DAB1: variants seen among roughly 807,000 people sequenced by gnomAD.
DAB1 encodes DAB adaptor protein 1, also known as disabled homolog 1.
Under a neutral mutation model 64.6 loss-of-function variants are expected in DAB1, and 15 were observed. The ratio of observed to expected loss-of-function variants is 0.23; its 90% CI spans 0.16 to 0.36. DAB1 has a LOEUF of 0.36. Ranked by LOEUF, DAB1 falls within the 10% of genes least tolerant of loss-of-function variation. The pLI is 1.00. For synonymous variants in DAB1, 235 were observed against 251.9 expected (o/e 0.93, Z 0.64); for missense variants, 596 against 706.7 (o/e 0.84, Z 1.78).
intron 2 of DAB1, among the ~76,000 whole-genome samples, chr1:58,511,718 T>C (rs890107021): frequency 5.9e-5 from 9 of 152,146 alleles, no homozygotes; most frequent in Non-Finnish European, 1.2e-4. Flanking sequence ...AATATTCACA[T>C]GCAAAAGAAT....
chr1:57,046,271 A>T (rs1319139277), intron 9 of DAB1, among the ~76,000 whole-genome samples: 1 of 152,228 alleles, frequency 6.6e-6, no homozygotes, highest in Non-Finnish European at 1.5e-5. Context: ...CCAAGCACTA[A>T]GCACACTTGC....
intron 3 of DAB1, among the ~76,000 whole-genome samples, chr1:58,410,209 T>C (rs1644654823): frequency 6.6e-6 from 1 of 152,222 alleles, no homozygotes; most frequent in South Asian, 2.1e-4. Flanking sequence ...AAAGATGCCA[T>C]GCGGCTTTAT....
chr1:57,294,774 T>C (rs1475997141), intron 1 of DAB1, among the ~76,000 whole-genome samples: 2 of 152,096 alleles, frequency 1.3e-5, no homozygotes, highest in East Asian at 1.9e-4. Context: ...AGCTAGTAAA[T>C]AGCACAGCAC....
chr1:58,116,664 A>G (rs1379106437), intron 5 of DAB1, among the ~76,000 whole-genome samples: 2 of 152,180 alleles, frequency 1.3e-5, no homozygotes, highest in African/African-American at 4.8e-5. Flanking sequence ...TGCTCTCTCT[A>G]GATTTTCCAT....
At chr1:57,215,509 A>G (rs1292298790) in intron 2 of DAB1, among the ~76,000 whole-genome samples, 1 of 152,180 alleles carries the variant, frequency 6.6e-6, no homozygotes, top group African/African-American at 2.4e-5. Flanking sequence ...CTGAGCACAC[A>G]GTCTTTGAGT....
At chr1:57,283,161 T>C (rs1407819416) in intron 2 of DAB1, among the ~76,000 whole-genome samples, 1 of 152,246 alleles carries the variant, frequency 6.6e-6, no homozygotes, top group African/African-American at 2.4e-5. Context: ...TTAGGCTTAT[T>C]AGGGAAAATT....
At position 57,984,244 on chromosome 1, in the gene DAB1, GAAAGAAAGAAAGAAAGAAAA is replaced by G. The variant is rs1409127282; in HGVS notation, n.388-100102_388-100083del. On this transcript the variant is annotated intron_variant and non_coding_transcript_variant, in intron 5 of 20. Coordinates refer to the DAB1 transcript ENST00000485760. ...AGAAAGAAAGAAAGAAAGAAAGAAAGAAAGAAAGAAAGAAAGAAAAAAAATTAAACAGCCAAACCCATTGC... is the reference window on the plus strand; with the variant it reads ...AGAAAGAAAGAAAGAAAGAAAGAAAGAAAATTAAACAGCCAAACCCATTGC... Among the ~76,000 whole-genome samples, 164 of 142,250 alleles carry G rather than the reference GAAAGAAAGAAAGAAAGAAAA, an allele frequency of 1.2e-3. 1 individual carries two copies. The highest frequency in any genetic ancestry group is 1.5e-3 in the Non-Finnish European group (96 of 64,370). 93.3% of individuals were successfully genotyped at this position (142,250 alleles called of 152,430 possible).
chr1:57,436,605 AG>A (rs1251180692), intron 7 of DAB1, among the ~76,000 whole-genome samples: 1 of 152,206 alleles, frequency 6.6e-6, no homozygotes, highest in East Asian at 1.9e-4. Context: ...ACACTGCCAA[AG>A]CAATGAATGT....
intron 5 of DAB1, among the ~76,000 whole-genome samples, chr1:57,941,654 G>A (rs1159078858): frequency 1.3e-5 from 2 of 152,198 alleles, no homozygotes; most frequent in Non-Finnish European, 2.9e-5. Context: ...GGCTAACATG[G>A]TGAAACCCCA....
At chr1:57,826,493 G>A (rs1361710738) in intron 1 of DAB1, 2 of 152,238 alleles carry the variant, frequency 1.3e-5, no homozygotes, top group African/African-American at 2.4e-5. Flanking sequence ...AGGAAGAGAG[G>A]GAGAAAGCAG....
chr1:57,619,468 A>G (rs1645829962), intron 7 of DAB1, among the ~76,000 whole-genome samples: 1 of 152,168 alleles, frequency 6.6e-6, no homozygotes, highest in African/African-American at 2.4e-5. Flanking sequence ...TGGTGCAATC[A>G]TAACTCACTG....
chr1:57,945,247 GTCA>G lies in DAB1; in HGVS notation n.388-61088_388-61086del, dbSNP rs924278393. On this transcript the variant is annotated intron_variant and non_coding_transcript_variant, in intron 5 of 20. Coordinates refer to the DAB1 transcript ENST00000485760. ...CTGTCTGTTTATCATCATCACCATCGTCATCATCATCATCATCACCATCATCAT... is the reference window on the plus strand; with the variant it reads ...CTGTCTGTTTATCATCATCACCATCGTCATCATCATCATCACCATCATCAT... 7.9e-5 allele frequency among the ~76,000 whole-genome samples: 12 copies of G among 151,608 alleles called. No individual in the cohort carries two copies. The South Asian group carries it at 1.7e-3, about 21-fold the overall frequency.
At chr1:57,446,610 A>AC (rs1686151512) in intron 7 of DAB1, among the ~76,000 whole-genome samples, 1 of 151,884 alleles carries the variant, frequency 6.6e-6, no homozygotes, top group African/African-American at 2.4e-5. Flanking sequence ...AAAAAAAAAA[A>AC]AAAAAATTTA....
intron 1 of DAB1, chr1:57,826,500 G>C (rs1161017699): frequency 6.6e-6 from 1 of 152,306 alleles, no homozygotes; most frequent in Non-Finnish European, 1.5e-5. Context: ...GAGGGAGAAA[G>C]CAGCAGCAGG....
intron 3 of DAB1, among the ~76,000 whole-genome samples, chr1:58,390,798 C>G (rs953733415): frequency 5.9e-5 from 9 of 152,078 alleles, no homozygotes; most frequent in African/African-American, 2.2e-4. Flanking sequence ...GATGAGGAAA[C>G]TGAGGCACAC....
chr1:58,084,256 G>T (rs1650169229), intron 5 of DAB1, among the ~76,000 whole-genome samples: 1 of 152,104 alleles, frequency 6.6e-6, no homozygotes, highest in African/African-American at 2.4e-5. Context: ...GTAAATGGCA[G>T]TCTTATTATT....
intron 1 of DAB1, among the ~76,000 whole-genome samples, chr1:57,309,410 T>G (rs1333855861): frequency 6.6e-6 from 1 of 152,204 alleles, no homozygotes; most frequent in Non-Finnish European, 1.5e-5. Flanking sequence ...TGCTCCAAAA[T>G]AAGTTTGTTT....
rs1646812495 is a variant in DAB1 at position 58,021,355 on chromosome 1, A to T, written n.387+129156T>A. On this transcript the variant is annotated intron_variant and non_coding_transcript_variant, in intron 5 of 20. Coordinates refer to the DAB1 transcript ENST00000485760. ...TAGATTGACTCATTTAATTCTTAATAATAACTGTATAAGGTAGTTACTTCA... is the reference window on the plus strand; with the variant it reads ...TAGATTGACTCATTTAATTCTTAATTATAACTGTATAAGGTAGTTACTTCA... Among the ~76,000 whole-genome samples, 6 of 152,244 alleles carry T rather than the reference A, an allele frequency of 3.9e-5. No individual in the cohort carries two copies. In the South Asian group the frequency reaches 1.2e-3, roughly 32 times the overall value.
intron 3 of DAB1, among the ~76,000 whole-genome samples, chr1:58,417,433 G>T (rs1644731459): frequency 6.6e-6 from 1 of 152,196 alleles, no homozygotes; most frequent in African/African-American, 2.4e-5. Context: ...AAGAGAATCT[G>T]GTTGCCTAGT....
Sources: allele counts gnomAD v4.1 joint callset (sites outside exome capture counted in the v4.1 genomes callset), GRCh38; gene constraint gnomAD v4.1.1; transcripts MANE v1.5; gene names NCBI Gene and HGNC (gene_info 2026-07-23, HGNC 2026-07-21).